The following SPATA17 variants were observed in gnomAD, a reference collection of about 807,000 sequenced individuals.
SPATA17 encodes the protein spermatogenesis associated 17.
Under a neutral mutation model 62.2 loss-of-function variants are expected in SPATA17, and 53 were observed. The observed-to-expected ratio is 0.85, with a 90% CI of 0.68 to 1.07. The LOEUF (loss-of-function observed/expected upper bound fraction) is 1.07, where lower values mean the gene tolerates loss of function less well. Ranked by LOEUF, SPATA17 falls within the 50% of genes least tolerant of loss-of-function variation. The pLI is 0.00. For missense variants in SPATA17, 466 were observed against 425.5 expected (o/e 1.10, Z -0.84); for synonymous variants, 146 against 146.8 (o/e 0.99, Z 0.04).
chr1:217,759,559 C>T (rs984362620), intron 6 of SPATA17, among the ~76,000 whole-genome samples: 1 of 152,040 alleles, frequency 6.6e-6, no homozygotes, highest in African/African-American at 2.4e-5. Flanking sequence ...CAAAGGAATA[C>T]TAAAATGCTT....
chr1:217,801,885 T>G (rs1183185046), intron 9 of SPATA17, 35 bp downstream of exon 9: 1 of 1,562,474 alleles, frequency 6.4e-7, no homozygotes, highest in Non-Finnish European at 8.7e-7. Context: ...AGTTATTCCT[T>G]TTTAAAAGCT....
At chr1:217,840,958 T>C (rs1316570037) in intron 9 of SPATA17, among the ~76,000 whole-genome samples, 1 of 152,030 alleles carries the variant, frequency 6.6e-6, no homozygotes, top group African/African-American at 2.4e-5. Context: ...TATAATGATA[T>C]GTATAGACAT....
In SPATA17 at chr1:217,683,239, T is replaced by G; in HGVS notation, c.292-19T>G. ...AAAGTGTTTAATGGCATATTTTATC[T>G]CTTTATTTACTTTAATAGATTCAGA... On this transcript the variant is annotated intron_variant, in intron 4 of 10. Coordinates refer to ENST00000366933, the MANE Select transcript of SPATA17 (RefSeq NM_138796.4). 7 of 1,533,436 alleles carry G rather than the reference T, an allele frequency of 4.6e-6. No individual in the cohort carries two copies. Among genetic ancestry groups the G allele is most frequent in the Non-Finnish European group, 6.2e-6 (7 of 1,123,938 alleles). 95.0% of individuals were successfully genotyped at this position (1,533,436 alleles called of 1,614,324 possible).
chr1:217,870,466 A>T lies in SPATA17; in HGVS notation c.*3447A>T, dbSNP rs1048013094. The T allele has an allele frequency of 6.6e-6, 1 of 152,200 alleles. No individual in the cohort carries two copies. The highest frequency in any genetic ancestry group is 1.9e-4 in the East Asian group (1 of 5,194). The allele number at this position is 152,200 out of a possible 1,614,324, so 9.4% of individuals were successfully genotyped here. A position where few individuals can be genotyped will look rare whatever the true frequency, so the allele number is the denominator to read the frequency against. On this transcript the variant is annotated 3_prime_UTR_variant, in exon 11 of 11. Coordinates refer to ENST00000366933, the MANE Select transcript of SPATA17 (RefSeq NM_138796.4). The stretch of plus-strand genomic sequence containing the variant: ...TGCATTAAGGTGAGAGAAGACCGAG[A>T]TGAAATCTTATTAGAAAATATAACT...
intron 9 of SPATA17, among the ~76,000 whole-genome samples, chr1:217,828,190 A>G (rs1438089534): frequency 6.6e-6 from 1 of 152,132 alleles, no homozygotes; most frequent in Admixed American, 6.6e-5. Flanking sequence ...TTACAAAACT[A>G]CAATAATCAA....
intron 6 of SPATA17, among the ~76,000 whole-genome samples, chr1:217,769,721 G>T: frequency 6.6e-6 from 1 of 152,282 alleles, no homozygotes; most frequent in East Asian, 1.9e-4. Context: ...TCTTTATATA[G>T]ATAAGTTCTG....
intron 9 of SPATA17, among the ~76,000 whole-genome samples, chr1:217,841,597 A>G (rs576336535): frequency 1.6e-4 from 24 of 151,996 alleles, no homozygotes; most frequent in African/African-American, 5.6e-4. Context: ...ATTGATTCCA[A>G]TATTACTGAT....
chr1:217,741,288 A>G (rs1189486525), intron 5 of SPATA17, among the ~76,000 whole-genome samples: 1 of 152,094 alleles, frequency 6.6e-6, no homozygotes, highest in Non-Finnish European at 1.5e-5. Flanking sequence ...TTAAAAGCTT[A>G]TTTTTTGTTT....
At chr1:217,764,797 A>T (rs1343862546) in intron 6 of SPATA17, among the ~76,000 whole-genome samples, 5 of 152,176 alleles carry the variant, frequency 3.3e-5, no homozygotes, top group African/African-American at 9.6e-5. Flanking sequence ...CCTTAATGAC[A>T]CATGATAATG....
chr1:217,638,720 T>C (rs1427776482), intron 1 of SPATA17, among the ~76,000 whole-genome samples: 1 of 152,068 alleles, frequency 6.6e-6, no homozygotes, highest in Non-Finnish European at 1.5e-5. Flanking sequence ...AACTAATGGA[T>C]GAAATAGATA....
intron 9 of SPATA17, among the ~76,000 whole-genome samples, chr1:217,822,013 C>T (rs1674875599): frequency 6.6e-6 from 1 of 152,080 alleles, no homozygotes; most frequent in Non-Finnish European, 1.5e-5. Flanking sequence ...TAGAGAGAGA[C>T]TAGGGATTGC....
rs1012038301 is a variant in SPATA17 at position 217,869,765 on chromosome 1, C to T, written c.*2746C>T. ...CAATTCCCCATGCCCCACCCCCACCCCCACATCCTATAATGGCCTGAACTA... is the reference window on the plus strand; with the variant it reads ...CAATTCCCCATGCCCCACCCCCACCTCCACATCCTATAATGGCCTGAACTA... On this transcript the variant is annotated 3_prime_UTR_variant, in exon 11 of 11. Coordinates refer to ENST00000366933, the MANE Select transcript of SPATA17 (RefSeq NM_138796.4). 4.6e-5 allele frequency: 7 copies of T among 151,904 alleles called. No individual in the cohort carries two copies. Among genetic ancestry groups the T allele is most frequent in the Admixed American group, 3.9e-4 (6 of 15,248 alleles). The allele number at this position is 151,904 out of a possible 1,614,324, so 9.4% of individuals were successfully genotyped here.
intron 3 of SPATA17, among the ~76,000 whole-genome samples, chr1:217,654,717 CT>C (rs199930213): frequency 2.3e-3 from 316 of 134,576 alleles, no homozygotes; most frequent in East Asian, 6.6e-3. Flanking sequence ...TTTACATAAT[CT>C]TTTTTTTTTT....
intron 9 of SPATA17, among the ~76,000 whole-genome samples, chr1:217,806,629 C>T (rs1237811128): frequency 6.6e-6 from 1 of 152,186 alleles, no homozygotes; most frequent in Non-Finnish European, 1.5e-5. Flanking sequence ...GTCAATAGAG[C>T]TGATGAAGTC....
At chr1:217,636,621 G>A (rs745436609) in intron 1 of SPATA17, among the ~76,000 whole-genome samples, 2 of 151,812 alleles carry the variant, frequency 1.3e-5, no homozygotes, top group African/African-American at 4.8e-5. Flanking sequence ...ACGAGTTTTC[G>A]CTATGTTGGT....
At chr1:217,705,126 G>A (rs1671702669) in intron 5 of SPATA17, among the ~76,000 whole-genome samples, 1 of 152,070 alleles carries the variant, frequency 6.6e-6, no homozygotes, top group South Asian at 2.1e-4. Flanking sequence ...TCTAATTGTG[G>A]TTGTGATTTT....
At chr1:217,678,454 C>T (rs931088783) in intron 4 of SPATA17, among the ~76,000 whole-genome samples, 4 of 151,906 alleles carry the variant, frequency 2.6e-5, no homozygotes, top group African/African-American at 9.7e-5. Flanking sequence ...GTGATCCACC[C>T]ACCTCAGCCT....
chr1:217,771,945 A>G (rs1432686973), intron 6 of SPATA17, among the ~76,000 whole-genome samples: 1 of 152,138 alleles, frequency 6.6e-6, no homozygotes, highest in Non-Finnish European at 1.5e-5. Flanking sequence ...ATCTAGCTAA[A>G]TTGTATGTAT....
At chr1:217,727,207 A>AT (rs2102938646) in intron 5 of SPATA17, among the ~76,000 whole-genome samples, 1 of 151,424 alleles carries the variant, frequency 6.6e-6, no homozygotes, top group African/African-American at 2.4e-5. Flanking sequence ...AGATCGCGCC[A>AT]TTGCACTCCA....
Sources: allele counts gnomAD v4.1 joint callset (sites outside exome capture counted in the v4.1 genomes callset), GRCh38; gene constraint gnomAD v4.1.1; transcripts MANE v1.5; gene names NCBI Gene and HGNC (gene_info 2026-07-23, HGNC 2026-07-21).